UBR3: variants seen among roughly 807,000 people sequenced by gnomAD.
UBR3 encodes ubiquitin protein ligase E3 component n-recognin 3, also known as E3 ubiquitin-protein ligase UBR3.
In UBR3, 85 loss-of-function variants were observed where a neutral mutation model predicts 243.2. That is an observed-to-expected ratio of 0.35 (90% CI 0.29 to 0.42). The LOEUF (loss-of-function observed/expected upper bound fraction) is 0.42. Among genes scored for constraint, UBR3 ranks in the 10% least tolerant of loss-of-function variants. The pLI is 1.00. For synonymous variants in UBR3, 748 were observed against 799.8 expected (o/e 0.94, Z 1.09); for missense variants, 1,686 against 2,300.8 (o/e 0.73, Z 5.47).
At chr2:169,832,550 G>A (rs2081972651) in intron 1 of UBR3, among the ~76,000 whole-genome samples, 1 of 148,998 alleles carries the variant, frequency 6.7e-6, no homozygotes, top group Non-Finnish European at 1.5e-5. Context: ...CTGGGCGACA[G>A]AGCGTGACTC....
At chr2:170,058,840 C>T (rs753299834) in intron 33 of UBR3, among the ~76,000 whole-genome samples, 1 of 152,124 alleles carries the variant, frequency 6.6e-6, no homozygotes, top group Non-Finnish European at 1.5e-5. Context: ...AGTCTGGGAT[C>T]CTTGGATAGG....
At chr2:170,061,574 C>A in intron 35 of UBR3, 131 bp downstream of exon 35, 1 of 1,092,648 alleles carries the variant, frequency 9.2e-7, no homozygotes, top group Non-Finnish European at 1.3e-6. Flanking sequence ...TTCAAGCAAT[C>A]CTCCTCCCTC....
chr2:169,859,012 G>A (rs1415404700), intron 1 of UBR3, among the ~76,000 whole-genome samples: 2 of 150,530 alleles, frequency 1.3e-5, no homozygotes, highest in African/African-American at 4.9e-5. Context: ...AGTTTCTTCT[G>A]GTTACTTTGA....
chr2:170,082,121 C>T lies in UBR3; in HGVS notation c.*278C>T. ...AAGAAGCACAACTTGTTCACAAACTCATTCAGAAATGATTCTCCCAACAAT... is the reference window on the plus strand; with the variant it reads ...AAGAAGCACAACTTGTTCACAAACTTATTCAGAAATGATTCTCCCAACAAT... On this transcript the variant is annotated 3_prime_UTR_variant, in exon 39 of 39. Coordinates refer to ENST00000272793, the MANE Select transcript of UBR3 (RefSeq NM_172070.4). The T allele has an allele frequency of 3.9e-6, 1 of 255,332 alleles. No homozygotes were observed. Among genetic ancestry groups the T allele is most frequent in the Non-Finnish European group, 7.3e-6 (1 of 136,182 alleles). The allele number at this position is 255,332 out of a possible 1,614,324, so 15.8% of individuals were successfully genotyped here.
chr2:170,001,881 C>G (rs1285067219), intron 27 of UBR3, among the ~76,000 whole-genome samples: 6 of 125,300 alleles, frequency 4.8e-5, no homozygotes, highest in African/African-American at 1.9e-4. Flanking sequence ...CCACTGCACT[C>G]CAGCCTGGGC....
chr2:169,883,952 C>T (rs529602006), intron 5 of UBR3, among the ~76,000 whole-genome samples: 32 of 151,896 alleles, frequency 2.1e-4, no homozygotes, highest in African/African-American at 7.2e-4. Context: ...CCCGTCTCAG[C>T]CTCCCGACTA....
chr2:169,863,797 C>A (rs2083165557), intron 1 of UBR3, among the ~76,000 whole-genome samples: 1 of 152,134 alleles, frequency 6.6e-6, no homozygotes, highest in African/African-American at 2.4e-5. Flanking sequence ...ATTTTAGGAT[C>A]AATTTAGGCG....
intron 1 of UBR3, among the ~76,000 whole-genome samples, chr2:169,829,793 G>A (rs1317617442): frequency 1.4e-5 from 2 of 147,382 alleles, no homozygotes; most frequent in Non-Finnish European, 1.5e-5. Flanking sequence ...ATTTGAATAG[G>A]TAAAATATAT....
chr2:169,882,230 T>G (rs1476709924), intron 5 of UBR3, among the ~76,000 whole-genome samples: 1 of 134,198 alleles, frequency 7.5e-6, no homozygotes. Flanking sequence ...ATTATATACA[T>G]ATATTTATAT....
At chr2:169,937,222 A>C (rs371795951) in intron 19 of UBR3, among the ~76,000 whole-genome samples, 15 of 152,164 alleles carry the variant, frequency 9.9e-5, no homozygotes, top group Non-Finnish European at 2.2e-4. Context: ...GATGGTATCT[A>C]ATTGTGGTTT....
chr2:169,958,088 G>A (rs2087394645), intron 23 of UBR3, among the ~76,000 whole-genome samples: 1 of 119,942 alleles, frequency 8.3e-6, no homozygotes, highest in Admixed American at 8.5e-5. Flanking sequence ...TAAATTGTTA[G>A]TCTCTTGCTA....
At chr2:169,919,315 G>A (rs1380084029) in intron 11 of UBR3, among the ~76,000 whole-genome samples, 11 of 152,160 alleles carry the variant, frequency 7.2e-5, no homozygotes, top group African/African-American at 2.7e-4. Context: ...CCTTCTGGCA[G>A]CATATAGAGG....
intron 8 of UBR3, among the ~76,000 whole-genome samples, chr2:169,902,695 C>T (rs1421246708): frequency 2.6e-5 from 4 of 151,796 alleles, no homozygotes; most frequent in Admixed American, 6.6e-5. Flanking sequence ...CTGCAACCTC[C>T]GCCTCCCGGG....
chr2:170,020,860 G>A (rs2090371841), intron 30 of UBR3, among the ~76,000 whole-genome samples: 1 of 152,144 alleles, frequency 6.6e-6, no homozygotes, highest in African/African-American at 2.4e-5. Flanking sequence ...GAGGCTGTCA[G>A]TGAAATCACA....
intron 1 of UBR3, among the ~76,000 whole-genome samples, chr2:169,835,985 T>C (rs1391402609): frequency 7.7e-6 from 1 of 129,842 alleles, no homozygotes; most frequent in Non-Finnish European, 1.6e-5. Context: ...GAAATTCCTG[T>C]GTGCACTGTC....
intron 24 of UBR3, among the ~76,000 whole-genome samples, chr2:169,965,717 A>G (rs1453020868): frequency 2.0e-5 from 3 of 152,140 alleles, no homozygotes; most frequent in Admixed American, 6.6e-5. Flanking sequence ...ACAGTATGAG[A>G]TTTCATCACG....
intron 36 of UBR3, among the ~76,000 whole-genome samples, chr2:170,075,558 T>A (rs1484184890): frequency 1.3e-5 from 2 of 152,194 alleles, no homozygotes; most frequent in Non-Finnish European, 2.9e-5. Context: ...AGAGGCAGTG[T>A]AGTAGACATT....
chr2:169,925,094 A>G (rs1361263830), intron 13 of UBR3, among the ~76,000 whole-genome samples: 1 of 152,254 alleles, frequency 6.6e-6, no homozygotes, highest in African/African-American at 2.4e-5. Context: ...AAATACATGA[A>G]GAATTAAATA....
At chr2:169,924,515 T>G (rs1223045462) in intron 13 of UBR3, among the ~76,000 whole-genome samples, 1 of 152,200 alleles carries the variant, frequency 6.6e-6, no homozygotes, top group Non-Finnish European at 1.5e-5. Context: ...ATTCACCTCC[T>G]TGATTCTCAG....
Sources: gnomAD v4.1 joint callset for allele counts (sites outside exome capture counted in the v4.1 genomes callset) on GRCh38, gnomAD v4.1.1 for gene constraint, MANE v1.5 for transcripts, NCBI Gene and HGNC (gene_info 2026-07-23, HGNC 2026-07-21) for gene names.